Variants in CFAP47 observed in about 807,000 individuals in gnomAD.
The protein encoded by CFAP47 is cilia- and flagella-associated protein 47.
Under a neutral mutation model 148.1 loss-of-function variants are expected in CFAP47, and 29 were observed. The observed-to-expected ratio is 0.20, with a 90% CI of 0.15 to 0.27. The LOEUF is 0.27. Among genes scored for constraint, CFAP47 ranks in the 10% least tolerant of loss-of-function variants. CFAP47 has a pLI of 1.00. For missense variants in CFAP47, 1,872 were observed against 1,697.5 expected (o/e 1.10, Z -1.81); for synonymous variants, 664 against 577.3 (o/e 1.15, Z -2.15).
At chrX:36,088,835 A>T (rs919879334) in intron 30 of CFAP47, among the ~76,000 whole-genome samples, 14 of 111,848 alleles carry the variant, frequency 1.3e-4, no homozygotes, top group African/African-American at 4.5e-4. Flanking sequence ...AAAAATTTAT[A>T]ATTTGTGTAG....
intron 62 of CFAP47, chrX:36,374,858 T>G (rs1313352140): frequency 2.7e-6 from 3 of 1,096,025 alleles, no homozygotes; most frequent in Non-Finnish European, 3.7e-6. Context: ...TGGTCCATGA[T>G]GCCAGCTGAG....
intron 46 of CFAP47, among the ~76,000 whole-genome samples, chrX:36,234,577 G>A (rs782705774): frequency 1.5e-4 from 17 of 111,751 alleles, no homozygotes; most frequent in Admixed American, 3.8e-4. Flanking sequence ...CCTGTAGCTC[G>A]GAATAGTTTG....
chrX:36,156,208 T>C (rs963625893), intron 37 of CFAP47, among the ~76,000 whole-genome samples: 5 of 110,968 alleles, frequency 4.5e-5, no homozygotes, highest in African/African-American at 1.6e-4. Context: ...GAAAACATTT[T>C]GTTTTCCTAA....
At chrX:36,171,294 G>T (rs1319054803) in intron 39 of CFAP47, among the ~76,000 whole-genome samples, 11 of 109,602 alleles carry the variant, frequency 1.0e-4, no homozygotes, top group Admixed American at 5.8e-4. Context: ...AGAAGCTCTT[G>T]AGTTTAATTA....
chrX:36,355,762 A>T (rs888712283), intron 60 of CFAP47, among the ~76,000 whole-genome samples: 1 of 111,960 alleles, frequency 8.9e-6, no homozygotes, highest in Admixed American at 9.5e-5. Context: ...TACTAAATGC[A>T]TAAGTTCTAG....
At chrX:36,207,968 A>G (rs1454062480) in intron 45 of CFAP47, among the ~76,000 whole-genome samples, 1 of 111,964 alleles carries the variant, frequency 8.9e-6, no homozygotes, top group Non-Finnish European at 1.9e-5. Context: ...TATGGAGCAA[A>G]AAACCCTCAT....
intron 33 of CFAP47, among the ~76,000 whole-genome samples, chrX:36,121,179 T>C (rs1470171267): frequency 9.0e-6 from 1 of 111,527 alleles, no homozygotes; most frequent in Non-Finnish European, 1.9e-5. Flanking sequence ...GTATAGGGAC[T>C]CTTGCTCATT....
intron 22 of CFAP47, among the ~76,000 whole-genome samples, chrX:36,029,672 G>A (rs1173719832): frequency 1.8e-5 from 2 of 109,216 alleles, no homozygotes; most frequent in East Asian, 2.9e-4. Flanking sequence ...TTCAATCATC[G>A]TTTTCTATAT....
intron 21 of CFAP47, among the ~76,000 whole-genome samples, chrX:36,008,414 G>A (rs1326761481): frequency 9.0e-6 from 1 of 110,902 alleles, no homozygotes; most frequent in African/African-American, 3.3e-5. Context: ...GTCTAGAAGT[G>A]ATCCTTTCTG....
rs1939108073 is a variant in CFAP47, at chrX:36,139,787, T to A, written c.5535+1323T>A. ...AGTGCCCAAAATGATATCTTACACC[T>A]GCTGGAGAAATGAGTTTTATAATTG... On this transcript the variant is annotated intron_variant, in intron 35 of 63. Coordinates refer to ENST00000378653, the MANE Select transcript of CFAP47 (RefSeq NM_001304548.2). 2.7e-5 allele frequency among the ~76,000 whole-genome samples: 3 copies of A among 111,849 alleles called. No homozygotes were observed. In the Admixed American group the frequency reaches 2.9e-4, roughly 11 times the overall value.
chrX:36,186,765 T>C (rs1306236020), intron 40 of CFAP47, among the ~76,000 whole-genome samples: 4 of 111,223 alleles, frequency 3.6e-5, no homozygotes, highest in Non-Finnish European at 7.6e-5. Flanking sequence ...GAAAAAGAAA[T>C]ATTACCCCTT....
intron 21 of CFAP47, among the ~76,000 whole-genome samples, chrX:36,014,543 G>T (rs1206768112): frequency 9.2e-6 from 1 of 108,520 alleles, no homozygotes. Context: ...TTTAAAATCT[G>T]GTTCATTTTG....
intron 7 of CFAP47, among the ~76,000 whole-genome samples, chrX:35,954,095 T>C (rs1309550813): frequency 2.7e-5 from 3 of 111,605 alleles, no homozygotes; most frequent in Non-Finnish European, 3.8e-5. Flanking sequence ...TTCAGCTCTC[T>C]TAGAATCTAC....
intron 49 of CFAP47, among the ~76,000 whole-genome samples, chrX:36,265,008 G>T: frequency 1.1e-5 from 1 of 89,919 alleles, no homozygotes; most frequent in East Asian, 3.2e-4. Flanking sequence ...GGGGCATTTG[G>T]CCATTTTAAT....
chrX:36,091,512 C>T (rs1017627086), intron 30 of CFAP47, among the ~76,000 whole-genome samples: 2 of 111,359 alleles, frequency 1.8e-5, no homozygotes, highest in African/African-American at 3.3e-5. Flanking sequence ...AGTGGTGTTA[C>T]GTAAAATTAG....
chrX:36,004,231 C>T (rs1037567955), intron 21 of CFAP47, among the ~76,000 whole-genome samples: 2 of 110,263 alleles, frequency 1.8e-5, no homozygotes, highest in Admixed American at 9.7e-5. Context: ...CCCACCATGG[C>T]GTCCCAAAAT....
intron 33 of CFAP47, among the ~76,000 whole-genome samples, chrX:36,120,333 CT>C (rs1219486564): frequency 9.0e-6 from 1 of 110,981 alleles, no homozygotes; most frequent in East Asian, 2.8e-4. Context: ...TTTTGTTGAT[CT>C]TTTGTTTTAT....
chrX:36,201,255 A>T lies in CFAP47; in HGVS notation c.6437-19A>T. The T allele has an allele frequency of 6.7e-6, 2 of 296,324 alleles. No individual in the cohort carries two copies. 24.4% of individuals were successfully genotyped at this position (296,324 alleles called of 1,213,427 possible). A position where few individuals can be genotyped will look rare whatever the true frequency, so the allele number is the denominator to read the frequency against. On this transcript the variant is annotated intron_variant, in intron 43 of 63. Transcript: ENST00000378653. ...ATAAATGTTCATTGTATTCATTAAT[A>T]TTTTTTTTCTTCCTCCAGGGCCTAA... is the stretch of plus-strand genomic sequence containing the variant.
intron 56 of CFAP47, among the ~76,000 whole-genome samples, chrX:36,313,464 C>T (rs782063461): frequency 1.8e-5 from 2 of 111,193 alleles, no homozygotes; most frequent in Non-Finnish European, 3.8e-5. Context: ...TCAGTTCCCA[C>T]AAGATTCCTC....
Sources: allele counts gnomAD v4.1 joint callset (sites outside exome capture counted in the v4.1 genomes callset), GRCh38; gene constraint gnomAD v4.1.1; transcripts MANE v1.5; gene names NCBI Gene and HGNC (gene_info 2026-07-23, HGNC 2026-07-21).